TFIP11: variants seen among roughly 807,000 people sequenced by gnomAD.
The protein encoded by TFIP11 is tuftelin interacting protein 11, also known as tuftelin-interacting protein 11.
A neutral mutation model predicts 96.8 loss-of-function variants in TFIP11; 86 were observed. The observed-to-expected ratio is 0.89, with a 90% CI of 0.75 to 1.06. The LOEUF (loss-of-function observed/expected upper bound fraction) is 1.06. TFIP11 is among the 50% of genes least tolerant of loss of function. TFIP11 has a pLI of 0.00. For synonymous variants in TFIP11, 405 were observed against 395.2 expected, an observed-to-expected ratio of 1.02 and a Z score of -0.29; for missense variants, 881 against 1,076.7, an observed-to-expected ratio of 0.82 and a Z score of 2.54.
rs770873211 is a variant in TFIP11, at chr22:26,499,320, C to A, written c.1113G>T (p.Ser371=). Residue 371 remains serine (S), a synonymous_variant, in exon 9 of 15, where the codon TCG becomes TCT. Transcript: ENST00000407690. ...CCATCTCCAGGACCTTGCTGAGGTT[C>A]GAGATGACCCGCTCCTCGTGGTCCA... The part of the protein sequence containing the change: ...EVLDHEERVI[S]NLSKVLEMVE... The A allele has an allele frequency of 6.8e-6, 11 of 1,613,962 alleles. No individual in the cohort carries two copies. In the Admixed American group the frequency reaches 1.8e-4, roughly 27 times the overall value.
At chr22:26,510,024 C>G (rs762774108) in intron 4 of TFIP11, 40 bp downstream of exon 4, 3 of 1,606,354 alleles carry the variant, frequency 1.9e-6, no homozygotes, top group South Asian at 1.1e-5. Context: ...TCCCCCTCTT[C>G]CCTAAAGCAA....
intron 11 of TFIP11, 78 bp downstream of exon 11, chr22:26,496,643 A>T: frequency 6.5e-7 from 1 of 1,532,794 alleles, no homozygotes; most frequent in Non-Finnish European, 8.9e-7. Flanking sequence ...TTTTAACAGC[A>T]CTGAGATAAT....
At chr22:26,496,048 G>A in intron 12 of TFIP11, 25 bp downstream of exon 12, 4 of 1,606,894 alleles carry the variant, frequency 2.5e-6, no homozygotes, top group Non-Finnish European at 3.4e-6. Flanking sequence ...TGCTGGGCTT[G>A]GAATGCATTT....
intron 13 of TFIP11, 192 bp from the exon 14 acceptor site, chr22:26,494,496 T>C (rs188008526): frequency 1.9e-5 from 14 of 744,412 alleles, no homozygotes; most frequent in East Asian, 5.4e-5. Context: ...TAAAGTGCCC[T>C]TGCATGTAAA....
intron 4 of TFIP11, 44 bp from the exon 5 acceptor site, chr22:26,506,972 C>A: frequency 6.3e-7 from 1 of 1,597,714 alleles, no homozygotes; most frequent in East Asian, 2.2e-5. Context: ...GTAAAGAACT[C>A]TTTTCTCTGC....
intron 12 of TFIP11, among the ~76,000 whole-genome samples, chr22:26,495,682 A>G (rs548751185): frequency 5.7e-4 from 83 of 146,080 alleles, no homozygotes; most frequent in African/African-American, 1.8e-3. Context: ...ATATACATAT[A>G]TGTGTGTGTG....
chr22:26,509,875 A>T (rs1223077949), intron 4 of TFIP11, among the ~76,000 whole-genome samples, 189 bp downstream of exon 4: 1 of 152,202 alleles, frequency 6.6e-6, no homozygotes, highest in Non-Finnish European at 1.5e-5. Flanking sequence ...AATAATAAAT[A>T]GAATAAATCA....
Position 26,491,753 on chromosome 22 carries a change from C to T in TFIP11, c.*260G>A, listed in dbSNP as rs2147113778. The T allele has an allele frequency of 1.6e-6, 2 of 1,289,232 alleles. No homozygotes were observed. The highest frequency in any genetic ancestry group is 2.2e-6 in the Non-Finnish European group (2 of 930,052). 79.9% of individuals were successfully genotyped at this position (1,289,232 alleles called of 1,614,324 possible). A position where few individuals can be genotyped will look rare whatever the true frequency, so the allele number is the denominator to read the frequency against. Reference sequence around the variant, plus strand: ...AGGGAAGGCTGCTATGGAGGAACTACAGAGAACTCCTTTGCCAGGAAAGAA... The same window carrying T: ...AGGGAAGGCTGCTATGGAGGAACTATAGAGAACTCCTTTGCCAGGAAAGAA... On this transcript the variant is annotated 3_prime_UTR_variant, in exon 15 of 15. Transcript: ENST00000407690.
intron 14 of TFIP11, chr22:26,492,762 TGGCTTTA>T: frequency 5.1e-6 from 1 of 194,590 alleles, no homozygotes; most frequent in Non-Finnish European, 1.1e-5. Context: ...GGGCCCATAC[TGGCTTTA>T]TTTTTAACCT....
rs951650594 is a variant in TFIP11 at position 26,491,950 on chromosome 22, T to C, written c.*63A>G. ...CCTTTTGAAGGTGATCTAAAAATAC[T>C]GTTTATTTACAGTACATCCCTCTTA... is the stretch of plus-strand genomic sequence containing the variant. On this transcript the variant is annotated 3_prime_UTR_variant, in exon 15 of 15. Transcript: ENST00000407690. 2.8e-6 allele frequency: 4 copies of C among 1,442,744 alleles called. No homozygotes were observed. In the African/African-American group the frequency reaches 5.7e-5, roughly 20 times the overall value. The allele number at this position is 1,442,744 out of a possible 1,614,324, so 89.4% of individuals were successfully genotyped here. A position where few individuals can be genotyped will look rare whatever the true frequency, so the allele number is the denominator to read the frequency against.
rs1182912042 is a variant in TFIP11, at chr22:26,495,086, C to T, written c.1850-147G>A. On this transcript the variant is annotated intron_variant, in intron 12 of 14. Coordinates refer to ENST00000407690, the MANE Select transcript of TFIP11 (RefSeq NM_012143.4). ...AAGTGACTCTTGTGCCTCAGCCTCC[C>T]GAGTAGCTGGGAGTACAGGTGTGCA... is the stretch of plus-strand genomic sequence containing the variant. 9 of 1,067,348 alleles carry T rather than the reference C, an allele frequency of 8.4e-6. 1 individual carries two copies. Among genetic ancestry groups the T allele is most frequent in the South Asian group, 6.3e-5 (4 of 63,156 alleles). 66.1% of individuals were successfully genotyped at this position (1,067,348 alleles called of 1,614,324 possible). A position where few individuals can be genotyped will look rare whatever the true frequency, so the allele number is the denominator to read the frequency against.
chr22:26,501,816 A>T (rs1467636731), intron 8 of TFIP11, 84 bp downstream of exon 8: 20 of 1,266,774 alleles, frequency 1.6e-5, no homozygotes, highest in Non-Finnish European at 1.4e-5. Context: ...AAGCCTAGCT[A>T]AAAGATCCAA....
Position 26,496,246 on chromosome 22 carries a change from A to G in TFIP11, c.1676T>C (p.Met559Thr), listed in dbSNP as rs769326596. ...ATAGAGTGGCTCCAGCCGTGCCTGC[A>G]TAAGGGGCAGCCATGGGTGGATCCA... ...HSWIHPWLPL[M>T]QARLEPLYSP... Residue 559 changes from methionine to threonine, a missense_variant, in exon 12 of 15, where the codon ATG becomes ACG. Coordinates refer to ENST00000407690, the MANE Select transcript of TFIP11 (RefSeq NM_012143.4). 2.5e-5 allele frequency: 41 copies of G among 1,613,810 alleles called. No homozygotes were observed. The highest frequency in any genetic ancestry group is 2.0e-4 in the South Asian group (18 of 91,050).
At chr22:26,511,617 G>C (rs1227240196) in intron 2 of TFIP11, 1 of 152,210 alleles carries the variant, frequency 6.6e-6, no homozygotes, top group African/African-American at 2.4e-5. Context: ...ATATGCACGT[G>C]AAGCGCCAAG....
chr22:26,505,202 T>G (rs1210416330), intron 6 of TFIP11, among the ~76,000 whole-genome samples: 2 of 152,148 alleles, frequency 1.3e-5, no homozygotes, highest in African/African-American at 4.8e-5. Flanking sequence ...AATGTTCCTG[T>G]AGGAAGAATC....
intron 2 of TFIP11, chr22:26,511,590 C>T (rs756561319): frequency 6.6e-6 from 1 of 152,202 alleles, no homozygotes; most frequent in Non-Finnish European, 1.5e-5. Flanking sequence ...ATCAGATACC[C>T]AGTGTATGAG....
At chr22:26,501,287 C>G (rs917218383) in intron 8 of TFIP11, among the ~76,000 whole-genome samples, 1 of 152,186 alleles carries the variant, frequency 6.6e-6, no homozygotes, top group African/African-American at 2.4e-5. Flanking sequence ...CCTGGGGACT[C>G]TCTCCTGCCC....
chr22:26,509,409 T>C (rs1245344584), intron 4 of TFIP11, among the ~76,000 whole-genome samples: 2 of 152,194 alleles, frequency 1.3e-5, no homozygotes, highest in Admixed American at 6.5e-5. Context: ...CCTCATGTCC[T>C]CATGTCCCTC....
intron 6 of TFIP11, among the ~76,000 whole-genome samples, 193 bp from the exon 7 acceptor site, chr22:26,503,986 C>A (rs1923118688): frequency 6.6e-6 from 1 of 152,132 alleles, no homozygotes; most frequent in Admixed American, 6.5e-5. Context: ...AGCATTTATG[C>A]TACCACAGAA....
Sources: gnomAD v4.1 joint callset for allele counts (sites outside exome capture counted in the v4.1 genomes callset) on GRCh38, gnomAD v4.1.1 for gene constraint, MANE v1.5 for transcripts, NCBI Gene and HGNC (gene_info 2026-07-23, HGNC 2026-07-21) for gene names.